PRPSAP1: variants seen among roughly 807,000 people sequenced by gnomAD.
PRPSAP1 encodes the protein phosphoribosyl pyrophosphate synthetase associated protein 1, also known as phosphoribosyl pyrophosphate synthase-associated protein 1.
Under a neutral mutation model 39.4 loss-of-function variants are expected in PRPSAP1, and 31 were observed. That is an observed-to-expected ratio of 0.79 (90% CI 0.59 to 1.06). The LOEUF (loss-of-function observed/expected upper bound fraction) is 1.06, where lower values mean the gene tolerates loss of function less well. Among genes scored for constraint, PRPSAP1 ranks in the 50% least tolerant of loss-of-function variants. The pLI is 0.00. For synonymous variants in PRPSAP1, 212 were observed against 192.6 expected (o/e 1.10, Z -0.83); for missense variants, 430 against 511.6 (o/e 0.84, Z 1.54).
intron 7 of PRPSAP1, among the ~76,000 whole-genome samples, chr17:76,322,409 T>C (rs2071207521): frequency 6.6e-6 from 1 of 151,982 alleles, no homozygotes; most frequent in Non-Finnish European, 1.5e-5. Context: ...AAAATATATT[T>C]ATCAAACAAC....
At chr17:76,340,824 G>A (rs1244042362) in intron 3 of PRPSAP1, among the ~76,000 whole-genome samples, 31 of 151,428 alleles carry the variant, frequency 2.0e-4, no homozygotes, top group Non-Finnish European at 3.8e-4. Flanking sequence ...TGGGAGGCGG[G>A]GGTTGTGGTG....
chr17:76,337,364 G>C (rs1413909794), intron 3 of PRPSAP1: 2 of 152,388 alleles, frequency 1.3e-5, no homozygotes, highest in African/African-American at 4.8e-5. Flanking sequence ...ATACAGAGAA[G>C]ATTAGCATGG....
At chr17:76,335,175 C>G (rs1420570672) in intron 3 of PRPSAP1, among the ~76,000 whole-genome samples, 1 of 152,066 alleles carries the variant, frequency 6.6e-6, no homozygotes, top group Non-Finnish European at 1.5e-5. Flanking sequence ...TCTTGAACTC[C>G]TGGGTTCATG....
chr17:76,326,914 T>C (rs937683291), intron 7 of PRPSAP1, among the ~76,000 whole-genome samples: 1 of 151,590 alleles, frequency 6.6e-6, no homozygotes, highest in Non-Finnish European at 1.5e-5. Flanking sequence ...CGTCTGCAAC[T>C]CACCCTCAAA....
chr17:76,335,735 C>G (rs565049694), intron 3 of PRPSAP1, among the ~76,000 whole-genome samples: 5 of 152,106 alleles, frequency 3.3e-5, no homozygotes, highest in Non-Finnish European at 7.3e-5. Flanking sequence ...GCTTGTAATC[C>G]CAGCACTTTG....
chr17:76,327,445 G>C (rs1024626266), intron 7 of PRPSAP1, among the ~76,000 whole-genome samples: 1 of 152,058 alleles, frequency 6.6e-6, no homozygotes, highest in Non-Finnish European at 1.5e-5. Context: ...ACAATGTCAA[G>C]AGATCGAGAC....
intron 1 of PRPSAP1, among the ~76,000 whole-genome samples, chr17:76,349,749 G>A (rs1205693236): frequency 2.6e-5 from 4 of 151,720 alleles, no homozygotes; most frequent in African/African-American, 4.8e-5. Flanking sequence ...CAACAGGAGC[G>A]AAACTCCATC....
intron 7 of PRPSAP1, among the ~76,000 whole-genome samples, chr17:76,325,995 C>G (rs1167927078): frequency 6.6e-6 from 1 of 152,114 alleles, no homozygotes; most frequent in Non-Finnish European, 1.5e-5. Context: ...ATTTAACAGA[C>G]TACAGTATAA....
chr17:76,331,040 C>A (rs148674246), intron 4 of PRPSAP1, among the ~76,000 whole-genome samples: 2 of 151,964 alleles, frequency 1.3e-5, no homozygotes, highest in Non-Finnish European at 2.9e-5. Context: ...AGAACTGTAG[C>A]GAAGGCAAAA....
At chr17:76,313,154 A>G (rs1436779923) in intron 8 of PRPSAP1, 138 bp from the exon 9 acceptor site, 13 of 1,139,902 alleles carry the variant, frequency 1.1e-5, no homozygotes, top group Non-Finnish European at 1.6e-5. Flanking sequence ...TGCCTGGGTC[A>G]AAGAACGAGC....
Position 76,344,706 on chromosome 17 carries a change from A to G in PRPSAP1, c.255T>C (p.Arg85=). The change falls in exon 3 of 10, where the codon CGT becomes CGC. Residue 85 remains arginine (R), a synonymous_variant. Coordinates refer to ENST00000446526, the MANE Select transcript of PRPSAP1 (RefSeq NM_002766.3). ...ETRVEIKESV[R]GQDIFIIQTI... The stretch of plus-strand genomic sequence containing the variant: ...TCTGTATAATGAAAATATCTTGGCC[A>G]CGAACAGATTCTTTTATTTCAACTC... 1 of 1,584,028 alleles carries G rather than the reference A, an allele frequency of 6.3e-7. No individual in the cohort carries two copies. Among genetic ancestry groups the G allele is most frequent in the Non-Finnish European group, 8.6e-7 (1 of 1,160,546 alleles).
At chr17:76,316,180 AAAAAAAAAAAAG>A (rs1419884823) in intron 7 of PRPSAP1, among the ~76,000 whole-genome samples, 18 of 147,190 alleles carry the variant, frequency 1.2e-4, no homozygotes, top group South Asian at 8.4e-4. Flanking sequence ...CGTCTAAAAA[AAAAAAAAAAAAG>A]AAAAAAAAAA....
intron 2 of PRPSAP1, among the ~76,000 whole-genome samples, chr17:76,346,446 C>T (rs906094549): frequency 3.3e-5 from 5 of 152,132 alleles, no homozygotes; most frequent in Non-Finnish European, 7.3e-5. Context: ...TTCTCCCTTT[C>T]CACCTTTCAG....
intron 2 of PRPSAP1, among the ~76,000 whole-genome samples, chr17:76,346,753 C>T (rs541933251): frequency 2.0e-5 from 3 of 152,278 alleles, no homozygotes; most frequent in African/African-American, 4.8e-5. Context: ...GGAGTTTGGC[C>T]GGGCGCGGTG....
intron 7 of PRPSAP1, among the ~76,000 whole-genome samples, chr17:76,315,312 G>T (rs559025354): frequency 6.6e-6 from 1 of 152,194 alleles, no homozygotes; most frequent in Non-Finnish European, 1.5e-5. Flanking sequence ...TTATTATTCT[G>T]AAATATTTAT....
intron 7 of PRPSAP1, among the ~76,000 whole-genome samples, chr17:76,321,997 G>A (rs953074985): frequency 2.6e-5 from 4 of 152,296 alleles, no homozygotes; most frequent in Admixed American, 6.5e-5. Flanking sequence ...GAAAGAAGCC[G>A]TTTCCGTGAC....
upstream of PRPSAP1, chr17:76,354,146 T>A (rs1268901105): frequency 1.0e-6 from 1 of 995,184 alleles, no homozygotes; most frequent in Admixed American, 6.1e-5. Context: ...GTTTCCAACT[T>A]TTTGGCCAGG....
intron 3 of PRPSAP1, among the ~76,000 whole-genome samples, chr17:76,343,430 C>G (rs1174622745): frequency 6.6e-6 from 1 of 152,230 alleles, no homozygotes; most frequent in Non-Finnish European, 1.5e-5. Flanking sequence ...TGGGTATGAA[C>G]CAGGAGCAGT....
chr17:76,346,035 G>A (rs1245668587), intron 2 of PRPSAP1: 3 of 434,602 alleles, frequency 6.9e-6, no homozygotes, highest in South Asian at 1.7e-5. Context: ...CTGGCGAGGA[G>A]GGGAATGACT....
Sources: gnomAD v4.1 joint callset for allele counts (sites outside exome capture counted in the v4.1 genomes callset) on GRCh38, gnomAD v4.1.1 for gene constraint, MANE v1.5 for transcripts, NCBI Gene and HGNC (gene_info 2026-07-23, HGNC 2026-07-21) for gene names.